The following TBC1D19 variants were observed in gnomAD, a reference collection of about 807,000 sequenced individuals.
TBC1D19 encodes the protein TBC1 domain family, member 19.
In TBC1D19, 60 loss-of-function variants were observed where a neutral mutation model predicts 89.0. The observed-to-expected ratio is 0.67, with a 90% CI of 0.55 to 0.84. The LOEUF (loss-of-function observed/expected upper bound fraction) is 0.84. TBC1D19 is among the 40% of genes least tolerant of loss of function. TBC1D19 has a pLI of 0.00. For missense variants in TBC1D19, 500 were observed against 610.8 expected, an observed-to-expected ratio of 0.82 and a Z score of 1.91; for synonymous variants, 189 against 199.7, an observed-to-expected ratio of 0.95 and a Z score of 0.45.
chr4:26,618,201 A>C (rs1439129599), intron 3 of TBC1D19, among the ~76,000 whole-genome samples: 2 of 152,222 alleles, frequency 1.3e-5, no homozygotes, highest in Admixed American at 1.3e-4. Context: ...CCAGTTGGGC[A>C]TACAGACTTT....
chr4:26,585,256 A>C, intron 1 of TBC1D19: 3 of 418,640 alleles, frequency 7.2e-6, no homozygotes, highest in Non-Finnish European at 1.4e-5. Flanking sequence ...TTCCATTCCC[A>C]CAAGCAATTC....
chr4:26,685,540 G>C (rs1274338019), intron 12 of TBC1D19, among the ~76,000 whole-genome samples: 2 of 152,184 alleles, frequency 1.3e-5, no homozygotes, highest in African/African-American at 2.4e-5. Flanking sequence ...TGGAAATTGA[G>C]ATAAAGAAAG....
rs78038632 is a variant in TBC1D19 at position 26,663,706 on chromosome 4, G to A, written c.592-2627G>A. ...AGTCCTTTTATTCCTCAGTCATTAT[G>A]GGTAGTTGTCCCTGCCTTGCCTATA... On this transcript the variant is annotated intron_variant, in intron 8 of 20. Coordinates refer to ENST00000264866, the MANE Select transcript of TBC1D19 (RefSeq NM_018317.4). 1.3e-3 allele frequency among the ~76,000 whole-genome samples: 197 copies of A among 152,240 alleles called. 2 individuals carry two copies. Among genetic ancestry groups the A allele is most frequent in the African/African-American group, 4.6e-3 (191 of 41,550 alleles).
chr4:26,589,799 G>A (rs970207468), intron 1 of TBC1D19, among the ~76,000 whole-genome samples: 3 of 152,168 alleles, frequency 2.0e-5, no homozygotes, highest in Non-Finnish European at 4.4e-5. Flanking sequence ...CAGAATGGGA[G>A]GGTTTCTGAA....
the TBC1D19 span, among the ~76,000 whole-genome samples, chr4:26,825,293 T>C: frequency 3.9e-5 from 6 of 152,040 alleles, no homozygotes; most frequent in African/African-American, 1.4e-4. Flanking sequence ...GAGATGGGGT[T>C]TCACCAAGTT....
chr4:26,808,027 G>A, the TBC1D19 span, among the ~76,000 whole-genome samples: 4 of 152,338 alleles, frequency 2.6e-5, no homozygotes, highest in Admixed American at 6.5e-5. Flanking sequence ...AGGCAGTCTA[G>A]CTCCAGAGCC....
chr4:26,649,183 G>T (rs748783304), intron 7 of TBC1D19, among the ~76,000 whole-genome samples: 1 of 151,728 alleles, frequency 6.6e-6, no homozygotes. Context: ...TATATTTATA[G>T]TGTCAATATA....
intron 1 of TBC1D19, among the ~76,000 whole-genome samples, chr4:26,605,017 A>G (rs1178062266): frequency 6.6e-6 from 1 of 152,028 alleles, no homozygotes; most frequent in Non-Finnish European, 1.5e-5. Context: ...TCTATGTTTA[A>G]TATTTTGAAG....
chr4:26,646,074 G>C (rs1269432826), intron 7 of TBC1D19, among the ~76,000 whole-genome samples: 9 of 138,194 alleles, frequency 6.5e-5, no homozygotes, highest in Non-Finnish European at 1.2e-4. Flanking sequence ...AGTGAGCCGA[G>C]ATCCCGCCAC....
intron 11 of TBC1D19, among the ~76,000 whole-genome samples, chr4:26,681,624 CAT>C (rs1003119524): frequency 9.2e-5 from 14 of 152,110 alleles, no homozygotes; most frequent in Non-Finnish European, 1.6e-4. Context: ...GATATAAAAA[CAT>C]AGTGCCTAAG....
chr4:26,828,580 A>G, the TBC1D19 span, among the ~76,000 whole-genome samples: 1 of 152,260 alleles, frequency 6.6e-6, no homozygotes, highest in African/African-American at 2.4e-5. Context: ...ACGTCCAAGT[A>G]TAGTGCAGTA....
At chr4:26,748,848 T>A (rs1718791215) in intron 19 of TBC1D19, among the ~76,000 whole-genome samples, 1 of 152,148 alleles carries the variant, frequency 6.6e-6, no homozygotes, top group Non-Finnish European at 1.5e-5. Flanking sequence ...CAGCAGAGTG[T>A]AGATATACTT....
the TBC1D19 span, among the ~76,000 whole-genome samples, chr4:26,817,975 A>ACATATATATAT: frequency 1.7e-3 from 184 of 105,196 alleles, 3 homozygotes; most frequent in African/African-American, 8.2e-3. Flanking sequence ...ATTTAAAAAA[A>ACATATATATAT]AAAAAAATAT....
chr4:26,685,635 T>G (rs1713746333), intron 12 of TBC1D19, among the ~76,000 whole-genome samples: 1 of 152,218 alleles, frequency 6.6e-6, no homozygotes, highest in African/African-American at 2.4e-5. Flanking sequence ...TCTTAACCAC[T>G]AAGCTCTACA....
intron 9 of TBC1D19, among the ~76,000 whole-genome samples, chr4:26,670,435 A>C (rs1295175881): frequency 6.6e-6 from 1 of 151,682 alleles, no homozygotes; most frequent in Admixed American, 6.6e-5. Context: ...CTGAAAATGT[A>C]CCACACATAC....
At chr4:26,714,264 CT>C (rs11427835) in intron 13 of TBC1D19, among the ~76,000 whole-genome samples, 9 of 151,504 alleles carry the variant, frequency 5.9e-5, no homozygotes, top group Non-Finnish European at 8.9e-5. Flanking sequence ...TTTGTTTTTT[CT>C]TTTTTTTTAT....
the TBC1D19 span, among the ~76,000 whole-genome samples, chr4:26,787,105 T>G: frequency 2.9e-4 from 44 of 150,592 alleles, 2 homozygotes; most frequent in South Asian, 8.7e-3. Context: ...GAACTAGTTT[T>G]TTTTTTTTTT....
intron 16 of TBC1D19, among the ~76,000 whole-genome samples, chr4:26,737,950 A>G (rs1040722231): frequency 6.6e-6 from 1 of 152,038 alleles, no homozygotes; most frequent in African/African-American, 2.4e-5. Flanking sequence ...ATGCAGATTA[A>G]TGAAGTTTTA....
At chr4:26,676,537 G>C (rs960584000) in intron 11 of TBC1D19, among the ~76,000 whole-genome samples, 2 of 151,950 alleles carry the variant, frequency 1.3e-5, no homozygotes, top group African/African-American at 4.8e-5. Flanking sequence ...GGCCAACGTG[G>C]AGAAACCCTG....
Sources: allele counts gnomAD v4.1 joint callset (sites outside exome capture counted in the v4.1 genomes callset), GRCh38; gene constraint gnomAD v4.1.1; transcripts MANE v1.5; gene names NCBI Gene and HGNC (gene_info 2026-07-23, HGNC 2026-07-21).